KCTD1: variants seen among roughly 807,000 people sequenced by gnomAD.
KCTD1 encodes the protein BTB/POZ domain-containing protein KCTD1.
Under a neutral mutation model 66.0 loss-of-function variants are expected in KCTD1, and 24 were observed. The observed-to-expected ratio is 0.36, with a 90% CI of 0.26 to 0.51. The LOEUF (loss-of-function observed/expected upper bound fraction) is 0.51. Ranked by LOEUF, KCTD1 falls within the 20% of genes least tolerant of loss-of-function variation. The pLI is 0.95. For synonymous variants in KCTD1, 511 were observed against 517.2 expected (o/e 0.99, Z 0.16); for missense variants, 943 against 1,205.2 (o/e 0.78, Z 3.22).
Position 26,548,471 on chromosome 18 carries a change from G to GGCGGCA in KCTD1, c.60_65dup (p.Ala24_Ala25dup). On this transcript the variant is annotated inframe_insertion, in exon 1 of 5. Transcript: ENST00000580059. The stretch of plus-strand genomic sequence containing the variant: ...GCTCCCCATTGTTCTCGGCGGCGGC[G>GGCGGCA]GCGGCAGCGCTGGCGCTGCCGCCCG... 3 of 1,258,392 alleles carry GGCGGCA rather than the reference G, an allele frequency of 2.4e-6. No homozygotes were observed. Among genetic ancestry groups the GGCGGCA allele is most frequent in the Non-Finnish European group, 3.0e-6 (3 of 1,009,550 alleles). 78.0% of individuals were successfully genotyped at this position (1,258,392 alleles called of 1,614,324 possible).
At chr18:26,656,795 T>C (rs1003450603) in intron 1 of KCTD1, among the ~76,000 whole-genome samples, 1 of 149,402 alleles carries the variant, frequency 6.7e-6, no homozygotes, top group Non-Finnish European at 1.5e-5. Flanking sequence ...TGCGCTTGGC[T>C]CTGGGCGCCC....
chr18:26,554,208 C>T (rs1267707855), intron 1 of KCTD1, among the ~76,000 whole-genome samples: 2 of 148,842 alleles, frequency 1.3e-5, no homozygotes, highest in African/African-American at 4.9e-5. Context: ...AGAGAATCTT[C>T]AAGGGAACAA....
At chr18:26,523,612 C>G (rs2078295) in intron 1 of KCTD1, among the ~76,000 whole-genome samples, 2 of 102,028 alleles carry the variant, frequency 2.0e-5, no homozygotes, top group African/African-American at 7.7e-5. Flanking sequence ...ACAGCGAGAT[C>G]CTCTCTCAAA....
chr18:26,589,593 GCT>G (rs559079016), intron 1 of KCTD1, among the ~76,000 whole-genome samples: 3 of 152,142 alleles, frequency 2.0e-5, no homozygotes, highest in Admixed American at 6.5e-5. Context: ...AAGTATCTTG[GCT>G]ACTGTGGTAG....
At chr18:26,527,096 T>C (rs78286174) in intron 1 of KCTD1, among the ~76,000 whole-genome samples, 1 of 152,250 alleles carries the variant, frequency 6.6e-6, no homozygotes, top group East Asian at 1.9e-4. Flanking sequence ...AAGCTTCTCC[T>C]CCTTGGCTCT....
Position 26,548,258 on chromosome 18 carries a change from T to G in KCTD1, c.279A>C (p.Glu93Asp), listed in dbSNP as rs865831459. ...CCCAGTCCAGCCCCATCTCCTCCTC[T>G]TCCTCCTCCTCCTCGTCCTCCTCCA... is the stretch of plus-strand genomic sequence containing the variant. Reference protein sequence around the residue: ...GGLEEDEEEEEEEEMGLDWDE... With the variant: ...GGLEEDEEEEDEEEMGLDWDE... The change falls in exon 1 of 5, where the codon GAA becomes GAC. Residue 93 changes from glutamate (E) to aspartate (D), a missense_variant. Glu to Asp is a conservative substitution (Grantham distance 45). Around this residue, in one of 10 missense-constraint regions of KCTD1, gnomAD observed 236 missense variants for 206.6 expected, o/e 1.14. Coordinates refer to ENST00000580059, the MANE Select transcript of KCTD1 (RefSeq NM_001142730.3). 63 of 1,508,178 alleles carry G rather than the reference T, an allele frequency of 4.2e-5. No homozygotes were observed. The African/African-American group carries it at 8.2e-4, about 20-fold the overall frequency. The allele number at this position is 1,508,178 out of a possible 1,614,324, so 93.4% of individuals were successfully genotyped here. A position where few individuals can be genotyped will look rare whatever the true frequency, so the allele number is the denominator to read the frequency against.
intron 1 of KCTD1, among the ~76,000 whole-genome samples, chr18:26,540,149 G>T (rs1263969077): frequency 6.6e-6 from 1 of 152,058 alleles, no homozygotes; most frequent in Non-Finnish European, 1.5e-5. Context: ...ACCGGACTAG[G>T]GACATGAAGT....
intron 1 of KCTD1, among the ~76,000 whole-genome samples, chr18:26,503,562 C>T (rs1290302975): frequency 2.6e-5 from 4 of 152,060 alleles, no homozygotes; most frequent in Admixed American, 6.6e-5. Context: ...CATCACAGCG[C>T]GGCAGAGTCT....
At chr18:26,549,316 G>A (rs1373325800), upstream of KCTD1, 25 of 985,216 alleles carry the variant, frequency 2.5e-5, no homozygotes, top group Non-Finnish European at 2.9e-5. Flanking sequence ...TCTTGCAAAG[G>A]AGCGAAACAC....
At chr18:26,652,732 T>C (rs1278453584) in intron 1 of KCTD1, among the ~76,000 whole-genome samples, 1 of 152,148 alleles carries the variant, frequency 6.6e-6, no homozygotes, top group Non-Finnish European at 1.5e-5. Flanking sequence ...GTTGAACAAA[T>C]GGAGGGAGGG....
upstream of KCTD1, among the ~76,000 whole-genome samples, chr18:26,551,625 TAC>T (rs1985570336): frequency 6.6e-6 from 1 of 151,894 alleles, no homozygotes; most frequent in South Asian, 2.1e-4. Flanking sequence ...AACAGATATA[TAC>T]CCTGCTTCCC....
In KCTD1 at chr18:26,468,725, G is replaced by A. The variant is rs1980885978; in HGVS notation, c.2133+7790C>T. On this transcript the variant is annotated intron_variant, in intron 3 of 4. Coordinates refer to ENST00000580059, the MANE Select transcript of KCTD1 (RefSeq NM_001142730.3). This position sits in a 1 kb window ranked among gnomAD's most constrained non-coding sequence, Gnocchi z 4.8. ...TGGTGGCGTGTGGTGGCGTGTGCCT[G>A]TAGTCCAGCTACTTGGGAGGCTGAG... 6.6e-6 allele frequency among the ~76,000 whole-genome samples: 1 copy of A among 152,106 alleles called. No homozygotes were observed. The highest frequency in any genetic ancestry group is 2.1e-4 in the South Asian group (1 of 4,820).
chr18:26,460,170 T>G (rs1009008437), intron 3 of KCTD1, among the ~76,000 whole-genome samples: 1 of 152,236 alleles, frequency 6.6e-6, no homozygotes, highest in Admixed American at 6.5e-5. Flanking sequence ...GTGCTTTACA[T>G]GATTTAAATC....
At chr18:26,605,393 T>C (rs532446438) in intron 1 of KCTD1, among the ~76,000 whole-genome samples, 6 of 152,230 alleles carry the variant, frequency 3.9e-5, no homozygotes, top group Non-Finnish European at 7.3e-5. Flanking sequence ...CAAGTCCTTA[T>C]AGCTTCTCAC....
intron 1 of KCTD1, among the ~76,000 whole-genome samples, chr18:26,585,406 A>G (rs1234073216): frequency 1.3e-5 from 2 of 152,230 alleles, no homozygotes; most frequent in African/African-American, 4.8e-5. Context: ...TAGAGTCAGA[A>G]GTTTTTGTTC....
intron 1 of KCTD1, among the ~76,000 whole-genome samples, chr18:26,535,475 A>G (rs943991678): frequency 1.3e-5 from 2 of 151,782 alleles, no homozygotes; most frequent in African/African-American, 4.9e-5. Flanking sequence ...ATTTTAAAAA[A>G]AGTCCGCAAG....
chr18:26,603,304 C>T (rs926522995), intron 1 of KCTD1, among the ~76,000 whole-genome samples: 12 of 151,686 alleles, frequency 7.9e-5, no homozygotes, highest in East Asian at 5.8e-4. Context: ...TGGTGGTACA[C>T]GCCTCTAGTC....
At chr18:26,554,651 C>A (rs1236907960) in intron 1 of KCTD1, among the ~76,000 whole-genome samples, 1 of 152,160 alleles carries the variant, frequency 6.6e-6, no homozygotes, top group East Asian at 1.9e-4. Flanking sequence ...AAAAAACAGG[C>A]AGAGTAAACT....
intron 1 of KCTD1, among the ~76,000 whole-genome samples, chr18:26,620,348 TAAAAAAAAAAA>T (rs10594272): frequency 5.7e-5 from 5 of 87,212 alleles, no homozygotes; most frequent in African/African-American, 2.8e-4. Context: ...AGGTAAATCT[TAAAAAAAAAAA>T]AAAAAAAAAA....
Sources: allele counts gnomAD v4.1 joint callset (sites outside exome capture counted in the v4.1 genomes callset), GRCh38; gene constraint gnomAD v4.1.1; regional missense constraint gnomAD v4.1.1; non-coding constraint Gnocchi (gnomAD v3.1); transcripts MANE v1.5; gene names NCBI Gene and HGNC (gene_info 2026-07-23, HGNC 2026-07-21).